Variants in OCIAD1 observed in about 807,000 individuals in gnomAD.
OCIAD1 encodes the protein OCIA domain-containing protein 1.
A neutral mutation model predicts 38.9 loss-of-function variants in OCIAD1; 29 were observed. The observed-to-expected ratio is 0.74, with a 90% CI of 0.55 to 1.02. The LOEUF (loss-of-function observed/expected upper bound fraction) is 1.02. Among genes scored for constraint, OCIAD1 ranks in the 50% least tolerant of loss-of-function variants. The pLI, the probability that OCIAD1 is intolerant of heterozygous loss-of-function variation, is 0.00. For missense variants in OCIAD1, 288 were observed against 289.6 expected (o/e 0.99, Z 0.04); for synonymous variants, 110 against 92.0 (o/e 1.20, Z -1.12).
At chr4:48,853,599 G>A (rs764590800) in intron 7 of OCIAD1, among the ~76,000 whole-genome samples, 1 of 152,180 alleles carries the variant, frequency 6.6e-6, no homozygotes, top group Non-Finnish European at 1.5e-5. Flanking sequence ...AGGTTCTAGA[G>A]AATGCAGAAG....
upstream of OCIAD1, among the ~76,000 whole-genome samples, chr4:48,829,590 C>T (rs138013587): frequency 1.4e-4 from 21 of 152,170 alleles, no homozygotes; most frequent in African/African-American, 5.1e-4. Flanking sequence ...GACTGGGGTG[C>T]CATGTTAATT....
At chr4:48,858,443 T>C (rs568897462) in intron 8 of OCIAD1, among the ~76,000 whole-genome samples, 1 of 152,196 alleles carries the variant, frequency 6.6e-6, no homozygotes, top group Admixed American at 6.5e-5. Flanking sequence ...TTCTCGTGTT[T>C]TTTTGTTCTG....
chr4:48,809,769 T>C (rs1777066693), intron 1 of OCIAD1, among the ~76,000 whole-genome samples: 1 of 152,268 alleles, frequency 6.6e-6, no homozygotes, highest in African/African-American at 2.4e-5. Context: ...TGTTCTTCCC[T>C]TGGCTAACTA....
intron 1 of OCIAD1, among the ~76,000 whole-genome samples, chr4:48,816,491 CCACTG>C (rs1777144848): frequency 6.6e-6 from 1 of 151,122 alleles, no homozygotes; most frequent in African/African-American, 2.4e-5. Context: ...TGAGATCACG[CCACTG>C]CACTCCAGCC....
chr4:48,839,291 C>A (rs1259666638), intron 3 of OCIAD1, among the ~76,000 whole-genome samples: 3 of 152,074 alleles, frequency 2.0e-5, no homozygotes, highest in Non-Finnish European at 4.4e-5. Flanking sequence ...CAAAAATTAG[C>A]CAGGTGTGGT....
chr4:48,857,802 C>T (rs1402244504), intron 8 of OCIAD1, among the ~76,000 whole-genome samples: 2 of 152,128 alleles, frequency 1.3e-5, no homozygotes, highest in African/African-American at 4.8e-5. Context: ...CTTGAGCCAC[C>T]GTGTCCGGCC....
At chr4:48,811,647 T>C (rs1346229789) in intron 1 of OCIAD1, among the ~76,000 whole-genome samples, 1 of 152,096 alleles carries the variant, frequency 6.6e-6, no homozygotes, top group East Asian at 1.9e-4. Flanking sequence ...TGAGATCCTG[T>C]CTCAAAGTAA....
At chr4:48,844,412 G>A (rs1778801991) in intron 4 of OCIAD1, among the ~76,000 whole-genome samples, 1 of 151,922 alleles carries the variant, frequency 6.6e-6, no homozygotes, top group South Asian at 2.1e-4. Context: ...TTAGGAAATC[G>A]AGACCGTCCT....
At chr4:48,836,907 A>G (rs1475573990) in intron 3 of OCIAD1, among the ~76,000 whole-genome samples, 1 of 152,256 alleles carries the variant, frequency 6.6e-6, no homozygotes, top group African/African-American at 2.4e-5. Flanking sequence ...TAATTGTTAT[A>G]GATGCATAGT....
At chr4:48,817,592 T>C (rs1777155673) in intron 1 of OCIAD1, among the ~76,000 whole-genome samples, 2 of 152,132 alleles carry the variant, frequency 1.3e-5, no homozygotes, top group African/African-American at 4.8e-5. Context: ...TTTACTCCCC[T>C]GGAAAGGGGG....
At chr4:48,850,765 G>A (rs1779378622) in intron 6 of OCIAD1, among the ~76,000 whole-genome samples, 1 of 152,100 alleles carries the variant, frequency 6.6e-6, no homozygotes, top group African/African-American at 2.4e-5. Context: ...TGAAGAGACA[G>A]GGTTTTACTG....
rs372503129 is a variant in OCIAD1 at position 48,853,839 on chromosome 4, T to A, written c.547+1864T>A. On this transcript the variant is annotated intron_variant, in intron 7 of 8. Coordinates refer to ENST00000264312, the MANE Select transcript of OCIAD1 (RefSeq NM_017830.4). ...AAGAGCAAAAGTCGGGGCAAAGGGG[T>A]GAGTATTAGCCTTGTATAAAGGAAG... Among the ~76,000 whole-genome samples the A allele has an allele frequency of 1.4e-4, 22 of 152,072 alleles. No homozygotes were observed. In the South Asian group the frequency reaches 4.6e-3, roughly 32 times the overall value.
chr4:48,816,536 GAAA>G (rs34578790), intron 1 of OCIAD1, among the ~76,000 whole-genome samples: 1 of 132,864 alleles, frequency 7.5e-6, no homozygotes. Flanking sequence ...CGTCTAAAAG[GAAA>G]AAAAAAAAAA....
rs1360822013 is a variant in OCIAD1, at chr4:48,851,894, C to G, written c.466C>G (p.Leu156Val). 1 of 1,612,432 alleles carries G rather than the reference C, an allele frequency of 6.2e-7. No individual in the cohort carries two copies. The highest frequency in any genetic ancestry group is 8.5e-7 in the Non-Finnish European group (1 of 1,178,554). The change falls in exon 7 of 9, where the codon CTT becomes GTT. Residue 156 changes from leucine (L) to valine (V), a missense_variant. Physicochemically the swap from Leu to Val is conservative, Grantham distance 32. Transcript: ENST00000264312. ...TSPAADNIEM[L>V]PHYEPIPFSS... ...CCCAGCAGCAGACAACATAGAAATG[C>G]TTCCTCATTATGAGCCAATTCCATT...
At chr4:48,809,366 A>G (rs2109485747) in intron 1 of OCIAD1, among the ~76,000 whole-genome samples, 1 of 152,138 alleles carries the variant, frequency 6.6e-6, no homozygotes, top group South Asian at 2.1e-4. Flanking sequence ...TACTACAAAT[A>G]CAAAAAAATT....
At position 48,808,160 on chromosome 4, in the gene OCIAD1, A is replaced by G. The variant is rs1369200739; in HGVS notation, c.-103+2830A>G. Among the ~76,000 whole-genome samples, 3 of 152,150 alleles carry G rather than the reference A, an allele frequency of 2.0e-5. No homozygotes were observed. In the East Asian group the frequency reaches 5.8e-4, roughly 29 times the overall value. ...TCTCTCCAAAACCCAGATGTTGCAA[A>G]TGTGATGATATTAAGACATGGGGCT... is the stretch of plus-strand genomic sequence containing the variant. On this transcript the variant is annotated intron_variant, in intron 1 of 6. Coordinates refer to the OCIAD1 transcript ENST00000504654.
upstream of OCIAD1, among the ~76,000 whole-genome samples, chr4:48,826,927 A>T (rs997779535): frequency 6.6e-5 from 10 of 152,330 alleles, no homozygotes; most frequent in Middle Eastern, 3.4e-3. Context: ...TAACCTTTTT[A>T]TTGCTGCATG....
intron 1 of OCIAD1, among the ~76,000 whole-genome samples, chr4:48,821,547 G>A (rs1777194026): frequency 6.6e-6 from 1 of 152,162 alleles, no homozygotes; most frequent in South Asian, 2.1e-4. Context: ...TCTGGCCAGG[G>A]CAATCAGGCA....
chr4:48,846,240 C>T (rs1435135787), intron 4 of OCIAD1, among the ~76,000 whole-genome samples: 3 of 152,144 alleles, frequency 2.0e-5, no homozygotes, highest in Non-Finnish European at 4.4e-5. Flanking sequence ...CTATTGTCAT[C>T]CCAGTTCTTA....
Sources: gnomAD v4.1 joint callset for allele counts (sites outside exome capture counted in the v4.1 genomes callset) on GRCh38, gnomAD v4.1.1 for gene constraint, MANE v1.5 for transcripts, NCBI Gene and HGNC (gene_info 2026-07-23, HGNC 2026-07-21) for gene names.